Variants in LYPD8 observed in about 807,000 individuals in gnomAD.
LYPD8 encodes the protein LY6/PLAUR domain containing 8.
LYPD8 carries 8 observed loss-of-function variants against 1.7 expected under a neutral mutation model. The ratio of observed to expected loss-of-function variants is 4.58; its 90% CI spans 2.69 to 8.27. The LOEUF (loss-of-function observed/expected upper bound fraction) is 8.27, where lower values mean the gene tolerates loss of function less well. LYPD8 is among the 30% of genes most tolerant of loss of function. The pLI, the probability that LYPD8 is intolerant of heterozygous loss-of-function variation, is 0.00. For synonymous variants in LYPD8, 50 were observed against 43.6 expected, an observed-to-expected ratio of 1.15 and a Z score of -0.58; for missense variants, 112 against 102.3, an observed-to-expected ratio of 1.09 and a Z score of -0.41.
intron 6 of LYPD8, among the ~76,000 whole-genome samples, chr1:248,744,712 ACT>A (rs1255639297): frequency 6.6e-6 from 1 of 152,206 alleles, no homozygotes; most frequent in African/African-American, 2.4e-5. Flanking sequence ...GCCCAATTTG[ACT>A]CTTTCTGCCA....
At chr1:248,753,179 CACACACACACCACATCACACCCCACACA>C (rs1662852538) in intron 2 of LYPD8, among the ~76,000 whole-genome samples, 2 of 122,240 alleles carry the variant, frequency 1.6e-5, no homozygotes, top group Non-Finnish European at 3.4e-5. Flanking sequence ...CACCACATCA[CACACACACACCACATCACACCCCACACA>C]ACACACACAC....
At chr1:248,754,443 G>A (rs897288838) in intron 2 of LYPD8, among the ~76,000 whole-genome samples, 3 of 140,734 alleles carry the variant, frequency 2.1e-5, no homozygotes, top group Non-Finnish European at 3.1e-5. Flanking sequence ...CCTCACACAC[G>A]TCAAACAAAC....
chr1:248,746,547 G>C (rs1662728861), intron 5 of LYPD8, among the ~76,000 whole-genome samples: 1 of 152,178 alleles, frequency 6.6e-6, no homozygotes, highest in Non-Finnish European at 1.5e-5. Flanking sequence ...AAGGCAGGAA[G>C]GCTGTCCACA....
At chr1:248,748,262 G>T in intron 5 of LYPD8, 27 bp downstream of exon 5, 1 of 415,010 alleles carries the variant, frequency 2.4e-6, no homozygotes, top group South Asian at 5.9e-5. Flanking sequence ...ACCCACCCAG[G>T]GCATCGCCCG....
At position 248,744,095 on chromosome 1, in the gene LYPD8, G is replaced by C. The variant is rs116506352; in HGVS notation, c.475+1047C>G. Among the ~76,000 whole-genome samples the C allele has an allele frequency of 8.8e-3, 1,340 of 152,300 alleles. 25 individuals carry two copies. Among genetic ancestry groups the C allele is most frequent in the African/African-American group, 0.031 (1,291 of 41,556 alleles). On this transcript the variant is annotated intron_variant, in intron 6 of 6. Coordinates refer to ENST00000590317, the MANE Select transcript of LYPD8 (RefSeq NM_001085474.2). ...TCCTCAATAATTTTTAAGACATAGA[G>C]TCTTAACAGAGGGCCTGAGATCACA...
intron 2 of LYPD8, among the ~76,000 whole-genome samples, chr1:248,752,384 G>A (rs1018652066): frequency 1.2e-4 from 18 of 151,812 alleles, no homozygotes; most frequent in Non-Finnish European, 1.6e-4. Flanking sequence ...TCTATTCCAG[G>A]TCCTTCCAGC....
chr1:248,743,887 A>G (rs2103168130), intron 6 of LYPD8, among the ~76,000 whole-genome samples: 1 of 152,368 alleles, frequency 6.6e-6, no homozygotes, highest in Non-Finnish European at 1.5e-5. Flanking sequence ...GAAGGAGCGC[A>G]TGGCCTGGAC....
At chr1:248,748,703 T>C (rs978429575) in intron 4 of LYPD8, among the ~76,000 whole-genome samples, 4 of 152,152 alleles carry the variant, frequency 2.6e-5, no homozygotes, top group Non-Finnish European at 2.9e-5. Flanking sequence ...ATTGGGAGCC[T>C]GAAAATGGTT....
chr1:248,753,164 A>C (rs1483477680), intron 2 of LYPD8, among the ~76,000 whole-genome samples: 59 of 115,980 alleles, frequency 5.1e-4, no homozygotes, highest in South Asian at 9.4e-4. Flanking sequence ...CCCACACACC[A>C]CACACACCAC....
intron 6 of LYPD8, chr1:248,740,052 A>G (rs1662561401): frequency 5.3e-6 from 1 of 189,824 alleles, no homozygotes; most frequent in Non-Finnish European, 9.7e-6. Context: ...CCTGGAGGTC[A>G]GAGGCCTAGA....
At chr1:248,743,312 A>G (rs904945124) in intron 6 of LYPD8, among the ~76,000 whole-genome samples, 3 of 152,130 alleles carry the variant, frequency 2.0e-5, no homozygotes, top group Non-Finnish European at 4.4e-5. Context: ...TACAAATACA[A>G]AAAGTAGCCA....
chr1:248,744,927 G>T (rs910105887), intron 6 of LYPD8, among the ~76,000 whole-genome samples: 2 of 152,158 alleles, frequency 1.3e-5, no homozygotes, highest in South Asian at 2.1e-4. Flanking sequence ...TCAAGGGAAG[G>T]GTAGCCCAGG....
intron 2 of LYPD8, among the ~76,000 whole-genome samples, chr1:248,753,170 ACCACAT>A (rs1662852045): frequency 9.6e-6 from 1 of 104,030 alleles, no homozygotes; most frequent in Non-Finnish European, 1.9e-5. Flanking sequence ...CACCACACAC[ACCACAT>A]CACACACACA....
chr1:248,752,498 C>A (rs946659548), intron 2 of LYPD8, among the ~76,000 whole-genome samples: 38 of 149,752 alleles, frequency 2.5e-4, no homozygotes, highest in African/African-American at 8.2e-4. Flanking sequence ...ACATCACCCC[C>A]CACACACACC....
At chr1:248,752,920 A>C in intron 2 of LYPD8, among the ~76,000 whole-genome samples, 2 of 88,968 alleles carry the variant, frequency 2.2e-5, no homozygotes, top group African/African-American at 5.5e-5. Flanking sequence ...ACACACCAAC[A>C]CACCACATCA....
At chr1:248,753,396 A>ACACAT (rs1662863844) in intron 2 of LYPD8, among the ~76,000 whole-genome samples, 1 of 103,970 alleles carries the variant, frequency 9.6e-6, no homozygotes, top group African/African-American at 3.7e-5. Context: ...CACAACACAT[A>ACACAT]CACATCACAC....
intron 4 of LYPD8, among the ~76,000 whole-genome samples, chr1:248,750,179 T>C (rs1379126607): frequency 1.3e-5 from 2 of 152,134 alleles, no homozygotes; most frequent in Admixed American, 1.3e-4. Flanking sequence ...GGAGGAACCA[T>C]GAGAGAGAGA....
chr1:248,742,967 C>T (rs1285538899), intron 6 of LYPD8, among the ~76,000 whole-genome samples: 1 of 100,694 alleles, frequency 9.9e-6, no homozygotes, highest in Admixed American at 1.3e-4. Flanking sequence ...AGATTATGCT[C>T]TGGTGGGGAT....
intron 2 of LYPD8, among the ~76,000 whole-genome samples, chr1:248,753,048 C>CACACA (rs1662846176): frequency 1.3e-5 from 1 of 76,324 alleles, no homozygotes; most frequent in Non-Finnish European, 2.6e-5. Context: ...ACACACACAT[C>CACACA]ACACACACAC....
Sources: allele counts gnomAD v4.1 joint callset (sites outside exome capture counted in the v4.1 genomes callset), GRCh38; gene constraint gnomAD v4.1.1; transcripts MANE v1.5; gene names NCBI Gene and HGNC (gene_info 2026-07-23, HGNC 2026-07-21).